The following NRXN3 variants were observed in gnomAD, a reference collection of about 807,000 sequenced individuals.
NRXN3 encodes the protein neurexin III.
In NRXN3, 32 loss-of-function variants were observed where a neutral mutation model predicts 137.6. That is an observed-to-expected ratio of 0.23 (90% CI 0.18 to 0.31). NRXN3 has a LOEUF of 0.31. Among genes scored for constraint, NRXN3 ranks in the 10% least tolerant of loss-of-function variants. The pLI is 1.00. For missense variants in NRXN3, 1,574 were observed against 2,062.5 expected (o/e 0.76, Z 4.59); for synonymous variants, 798 against 784.5 (o/e 1.02, Z -0.29).
chr14:78,808,678 C>T (rs1175327507), intron 9 of NRXN3, among the ~76,000 whole-genome samples: 6 of 152,088 alleles, frequency 3.9e-5, no homozygotes, highest in Admixed American at 2.6e-4. Context: ...CCTAACCGCA[C>T]GAAACCAAAC....
chr14:78,290,640 A>G (rs895956062), intron 3 of NRXN3, among the ~76,000 whole-genome samples: 6 of 151,850 alleles, frequency 4.0e-5, no homozygotes, highest in African/African-American at 1.2e-4. Flanking sequence ...CCTTGTCTCA[A>G]AAAAAAAGGG....
intron 15 of NRXN3, among the ~76,000 whole-genome samples, chr14:79,164,937 G>A (rs1009854815): frequency 1.3e-5 from 2 of 151,900 alleles, no homozygotes; most frequent in African/African-American, 4.8e-5. Flanking sequence ...TATTACTTAT[G>A]TTATAATTTT....
intron 8 of NRXN3, among the ~76,000 whole-genome samples, chr14:78,769,212 T>C (rs2098719034): frequency 6.6e-6 from 1 of 152,244 alleles, no homozygotes; most frequent in Non-Finnish European, 1.5e-5. Flanking sequence ...TTTGAAGCTC[T>C]TGTGATAGAA....
At chr14:79,452,005 T>C (rs1048924285) in intron 15 of NRXN3, among the ~76,000 whole-genome samples, 1 of 152,072 alleles carries the variant, frequency 6.6e-6, no homozygotes, top group Non-Finnish European at 1.5e-5. Context: ...TGCCACAACC[T>C]ATGTGGCCCA....
chr14:79,065,319 A>G (rs2099679428), intron 15 of NRXN3, among the ~76,000 whole-genome samples: 1 of 152,158 alleles, frequency 6.6e-6, no homozygotes, highest in Non-Finnish European at 1.5e-5. Flanking sequence ...CCGGTCAGGT[A>G]GAACATTAGT....
intron 16 of NRXN3, among the ~76,000 whole-genome samples, chr14:79,476,147 A>AT (rs2096557693): frequency 6.6e-6 from 1 of 152,062 alleles, no homozygotes; most frequent in Non-Finnish European, 1.5e-5. Context: ...TAGATGATGG[A>AT]TTTTAGATCC....
chr14:79,322,144 C>A (rs572563146), intron 15 of NRXN3, among the ~76,000 whole-genome samples: 157 of 152,268 alleles, frequency 1.0e-3, no homozygotes, highest in African/African-American at 3.6e-3. Flanking sequence ...CGTGACATCA[C>A]CTTTCTCACA....
chr14:79,144,290 C>G lies in NRXN3; in HGVS notation c.3262+156149C>G, dbSNP rs1026314332. Among the ~76,000 whole-genome samples the G allele has an allele frequency of 3.3e-5, 5 of 152,260 alleles. No homozygotes were observed. In the South Asian group the frequency reaches 8.3e-4, roughly 25 times the overall value. Reference sequence around the variant, plus strand: ...TTCACACATTTAAGTTCCTAGCTCCCAAAAGACTTGAGGTTGAATGCCTTG... The same window carrying G: ...TTCACACATTTAAGTTCCTAGCTCCGAAAAGACTTGAGGTTGAATGCCTTG... On this transcript the variant is annotated intron_variant, in intron 15 of 20. Coordinates refer to ENST00000335750, the MANE Select transcript of NRXN3 (RefSeq NM_001330195.2).
rs2076501542 is a variant in NRXN3 at position 78,297,879 on chromosome 14, T to C, written c.757+19T>C. On this transcript the variant is annotated intron_variant, in intron 4 of 20. Transcript: ENST00000335750. Reference sequence around the variant, plus strand: ...GAACAAGGTAGGTGCTTTGTGCTTGTGGTCCTGCAGCTGCCTGAACTGCTT... The same window carrying C: ...GAACAAGGTAGGTGCTTTGTGCTTGCGGTCCTGCAGCTGCCTGAACTGCTT... The C allele has an allele frequency of 8.5e-6, 13 of 1,536,368 alleles. No individual in the cohort carries two copies. The highest frequency in any genetic ancestry group is 1.1e-5 in the Non-Finnish European group (13 of 1,146,938).
intron 10 of NRXN3, among the ~76,000 whole-genome samples, chr14:78,910,976 C>T (rs1483957732): frequency 6.6e-6 from 1 of 152,092 alleles, no homozygotes; most frequent in Non-Finnish European, 1.5e-5. Flanking sequence ...AATTTATCCT[C>T]AATAAATTTG....
chr14:78,487,894 A>G (rs1312638056), intron 4 of NRXN3, among the ~76,000 whole-genome samples: 3 of 152,172 alleles, frequency 2.0e-5, no homozygotes, highest in African/African-American at 7.2e-5. Context: ...AAATACTTGT[A>G]TTTACTTCAT....
In NRXN3 at chr14:79,861,276, C is replaced by G; in HGVS notation, c.4094-66C>G. 1 of 1,536,062 alleles carries G rather than the reference C, an allele frequency of 6.5e-7. No individual in the cohort carries two copies. Among genetic ancestry groups the G allele is most frequent in the Non-Finnish European group, 8.7e-7 (1 of 1,146,892 alleles). Reference sequence around the variant, plus strand: ...ATATCTGGGTATGGCTCAGGGGAAACCTTTGACTCTAACCTGCCCCCTACT... The same window carrying G: ...ATATCTGGGTATGGCTCAGGGGAAAGCTTTGACTCTAACCTGCCCCCTACT... On this transcript the variant is annotated intron_variant, in intron 20 of 20. Transcript: ENST00000335750. This position sits in a 1 kb window ranked among gnomAD's most constrained non-coding sequence, Gnocchi z 5.4.
At chr14:79,628,505 T>A (rs1479278065) in intron 16 of NRXN3, among the ~76,000 whole-genome samples, 4 of 152,226 alleles carry the variant, frequency 2.6e-5, no homozygotes, top group Non-Finnish European at 5.9e-5. Context: ...AGTGTGGGGC[T>A]TTGACTAGGC....
At chr14:79,120,079 A>T (rs2055144635) in intron 15 of NRXN3, among the ~76,000 whole-genome samples, 1 of 152,170 alleles carries the variant, frequency 6.6e-6, no homozygotes, top group Non-Finnish European at 1.5e-5. Flanking sequence ...GTAAAAATGA[A>T]GAGTGATGTT....
rs578245462 is a variant in NRXN3 at position 79,054,990 on chromosome 14, G to T, written c.3262+66849G>T. ...TAAATACAGTGGTAGCTTGGGAGCT[G>T]CAGATGTCTCTAATAAGCATTCCCA... is the stretch of plus-strand genomic sequence containing the variant. On this transcript the variant is annotated intron_variant, in intron 15 of 20. Coordinates refer to ENST00000335750, the MANE Select transcript of NRXN3 (RefSeq NM_001330195.2). Among the ~76,000 whole-genome samples, 8 of 152,336 alleles carry T rather than the reference G, an allele frequency of 5.3e-5. No homozygotes were observed. In the East Asian group the frequency reaches 1.5e-3, roughly 29 times the overall value.
In NRXN3 at chr14:79,325,507, G is replaced by A. The variant is rs143086406; in HGVS notation, c.3263-141714G>A. On this transcript the variant is annotated intron_variant, in intron 15 of 20. Transcript: ENST00000335750. ...AGACAAGTCAAGGGTCTATAATTGC[G>A]TATAAACAGAAAAGTAAAGACTTAC... is the stretch of plus-strand genomic sequence containing the variant. Among the ~76,000 whole-genome samples, 501 of 152,272 alleles carry A rather than the reference G, an allele frequency of 3.3e-3. 2 individuals are homozygous for A. Among genetic ancestry groups the A allele is most frequent in the Non-Finnish European group, 4.7e-3 (317 of 68,034 alleles).
intron 15 of NRXN3, among the ~76,000 whole-genome samples, chr14:79,094,118 A>T (rs1364569351): frequency 6.6e-6 from 1 of 152,150 alleles, no homozygotes; most frequent in Non-Finnish European, 1.5e-5. Flanking sequence ...CAGAGAAAAT[A>T]GATGAACAGC....
intron 4 of NRXN3, among the ~76,000 whole-genome samples, chr14:78,388,867 TATTA>T (rs371732285): frequency 9.9e-5 from 15 of 152,082 alleles, no homozygotes; most frequent in South Asian, 2.1e-4. Context: ...TAGTCTTTAT[TATTA>T]ATTATTATTA....
chr14:78,503,583 G>A (rs1025404326), intron 4 of NRXN3, among the ~76,000 whole-genome samples: 2 of 152,132 alleles, frequency 1.3e-5, no homozygotes, highest in African/African-American at 4.8e-5. Flanking sequence ...AGAATTGTAA[G>A]CTTTGAGGTA....
Sources: allele counts gnomAD v4.1 joint callset (sites outside exome capture counted in the v4.1 genomes callset), GRCh38; gene constraint gnomAD v4.1.1; non-coding constraint Gnocchi (gnomAD v3.1); transcripts MANE v1.5; gene names NCBI Gene and HGNC (gene_info 2026-07-23, HGNC 2026-07-21).